Variants in KAZN observed in about 807,000 individuals in gnomAD.
KAZN encodes the protein kazrin.
KAZN carries 40 observed loss-of-function variants against 87.4 expected under a neutral mutation model. That is an observed-to-expected ratio of 0.46 (90% CI 0.36 to 0.60). The LOEUF is 0.60. Ranked by LOEUF, KAZN falls within the 20% of genes least tolerant of loss-of-function variation. The probability of loss-of-function intolerance (pLI) is 0.00; values close to 1 mark genes in which losing one functional copy is unlikely to be tolerated. For missense variants in KAZN, 898 were observed against 1,073.9 expected (o/e 0.84, Z 2.29); for synonymous variants, 466 against 458.3 (o/e 1.02, Z -0.22).
chr1:14,371,596 T>G (rs1482866465), intron 2 of KAZN, among the ~76,000 whole-genome samples: 1 of 151,996 alleles, frequency 6.6e-6, no homozygotes, highest in Non-Finnish European at 1.5e-5. Context: ...GGTACCCTCT[T>G]GGAAGATGCT....
At chr1:14,309,100 T>G (rs1410137065) in intron 2 of KAZN, among the ~76,000 whole-genome samples, 2 of 152,222 alleles carry the variant, frequency 1.3e-5, no homozygotes, top group African/African-American at 2.4e-5. Context: ...ATTTGGGCAT[T>G]TATTTTTCCA....
chr1:14,185,410 T>G lies in KAZN; in HGVS notation c.249+4818T>G, dbSNP rs1029748884. 4.4e-4 allele frequency among the ~76,000 whole-genome samples: 67 copies of G among 152,224 alleles called. 1 individual carries two copies. The highest frequency in any genetic ancestry group is 2.8e-4 in the Non-Finnish European group (19 of 68,028). On this transcript the variant is annotated intron_variant, in intron 2 of 16. Coordinates refer to the KAZN transcript ENST00000636203. The stretch of plus-strand genomic sequence containing the variant: ...ATGGATGCTGAAGAATTTAGTTCCC[T>G]TCACTAAAAAGCTACAATGATAAGC...
chr1:14,635,057 CA>C (rs1162089771), intron 1 of KAZN, among the ~76,000 whole-genome samples: 1 of 152,160 alleles, frequency 6.6e-6, no homozygotes, highest in Non-Finnish European at 1.5e-5. Flanking sequence ...GTACCCACCC[CA>C]CAGGTGTTGC....
upstream of KAZN, among the ~76,000 whole-genome samples, chr1:14,595,143 CAA>C (rs35260607): frequency 3.4e-5 from 5 of 149,178 alleles, no homozygotes; most frequent in South Asian, 2.2e-4. Context: ...GACTCCATCT[CAA>C]AAAAAAAAAG....
At chr1:14,426,607 T>A (rs1293820716) in intron 2 of KAZN, among the ~76,000 whole-genome samples, 1 of 152,150 alleles carries the variant, frequency 6.6e-6, no homozygotes, top group African/African-American at 2.4e-5. Context: ...AACCATCTTG[T>A]GGCCACACTG....
At chr1:14,525,940 C>G (rs1029851202) in intron 2 of KAZN, among the ~76,000 whole-genome samples, 1 of 152,182 alleles carries the variant, frequency 6.6e-6, no homozygotes, top group African/African-American at 2.4e-5. Flanking sequence ...GATCTCAGAG[C>G]TGTGTTATTC....
chr1:14,250,402 G>A (rs535549657), intron 2 of KAZN, among the ~76,000 whole-genome samples: 8 of 151,766 alleles, frequency 5.3e-5, no homozygotes, highest in African/African-American at 1.5e-4. Context: ...TATGAGATCC[G>A]GGATTTTTTT....
At chr1:14,855,310 T>C (rs189047790) in intron 1 of KAZN, among the ~76,000 whole-genome samples, 24 of 152,372 alleles carry the variant, frequency 1.6e-4, no homozygotes, top group African/African-American at 5.8e-4. Flanking sequence ...TCCCCAGTCC[T>C]GCTGATAAGG....
intron 2 of KAZN, among the ~76,000 whole-genome samples, chr1:14,535,596 TA>T (rs1291470751): frequency 6.6e-6 from 1 of 151,138 alleles, no homozygotes; most frequent in Non-Finnish European, 1.5e-5. Context: ...AACCAGGGAA[TA>T]GGGGGTTGCA....
chr1:14,361,299 A>C (rs1659490268), intron 2 of KAZN, among the ~76,000 whole-genome samples: 1 of 152,186 alleles, frequency 6.6e-6, no homozygotes, highest in African/African-American at 2.4e-5. Context: ...AACCTCTAGC[A>C]TCCCAGGTCA....
chr1:14,637,048 C>T (rs1056021058), intron 1 of KAZN, among the ~76,000 whole-genome samples: 3 of 152,154 alleles, frequency 2.0e-5, no homozygotes, highest in Non-Finnish European at 2.9e-5. Flanking sequence ...ACAGTTTATG[C>T]AGGCTGCCCA....
intron 2 of KAZN, among the ~76,000 whole-genome samples, chr1:14,963,307 C>T (rs1333776961): frequency 6.6e-6 from 1 of 152,234 alleles, no homozygotes; most frequent in Admixed American, 6.5e-5. Context: ...ACTTACCATT[C>T]ACCTCAATCC....
chr1:15,071,298 C>G (rs1639495943), intron 8 of KAZN, among the ~76,000 whole-genome samples: 1 of 151,988 alleles, frequency 6.6e-6, no homozygotes, highest in Non-Finnish European at 1.5e-5. Context: ...GTCGCCCAGG[C>G]TGGAGTGCAG....
chr1:14,569,634 T>C (rs1418275109), intron 2 of KAZN, among the ~76,000 whole-genome samples: 1 of 151,910 alleles, frequency 6.6e-6, no homozygotes, highest in Admixed American at 6.6e-5. Flanking sequence ...CTCCTCTACT[T>C]TTTTAATGGA....
At chr1:14,512,735 C>G (rs142250038) in intron 2 of KAZN, among the ~76,000 whole-genome samples, 47 of 152,338 alleles carry the variant, frequency 3.1e-4, no homozygotes, top group African/African-American at 1.1e-3. Context: ...AGATTCCACC[C>G]TGCTGGGTTT....
intron 1 of KAZN, among the ~76,000 whole-genome samples, chr1:14,661,298 T>C (rs1352219829): frequency 6.6e-6 from 1 of 152,144 alleles, no homozygotes; most frequent in African/African-American, 2.4e-5. Context: ...TGTAGCCCTT[T>C]CTGCCTGGTT....
intron 2 of KAZN, among the ~76,000 whole-genome samples, chr1:14,340,098 A>ATCACGGAC (rs2308043): frequency 1.3e-5 from 2 of 151,946 alleles, no homozygotes; most frequent in African/African-American, 2.4e-5. Flanking sequence ...AGCTTATAAA[A>ATCACGGAC]TCGGGGAACA....
At position 14,916,192 on chromosome 1, in the gene KAZN, C is replaced by T. The variant is rs865850625; in HGVS notation, c.227-44492C>T. Among the ~76,000 whole-genome samples the T allele has an allele frequency of 1.3e-3, 20 of 15,826 alleles. No homozygotes were observed. In the South Asian group the frequency reaches 0.019, roughly 15 times the overall value. The allele number at this position is 15,826 out of a possible 152,430, so 10.4% of individuals were successfully genotyped here. A position where few individuals can be genotyped will look rare whatever the true frequency, so the allele number is the denominator to read the frequency against. Reference sequence around the variant, plus strand: ...GTTCTTTTTTTTTTTTTTTTTTTGACAGAGTCTCGCTTTGTCACCCAGGCT... The same window carrying T: ...GTTCTTTTTTTTTTTTTTTTTTTGATAGAGTCTCGCTTTGTCACCCAGGCT... On this transcript the variant is annotated intron_variant, in intron 1 of 14. Coordinates refer to ENST00000376030, the MANE Select transcript of KAZN (RefSeq NM_201628.3).
chr1:14,180,415 CCTTCTTTTT>C, intron 1 of KAZN: 2 of 1,543,614 alleles, frequency 1.3e-6, no homozygotes, highest in Non-Finnish European at 1.7e-6. Flanking sequence ...CTCTACTTTT[CCTTCTTTTT>C]CTTTCCACAG....
Sources: allele counts gnomAD v4.1 joint callset (sites outside exome capture counted in the v4.1 genomes callset), GRCh38; gene constraint gnomAD v4.1.1; transcripts MANE v1.5; gene names NCBI Gene and HGNC (gene_info 2026-07-23, HGNC 2026-07-21).